The following CPEB1 variants were observed in gnomAD, a reference collection of about 807,000 sequenced individuals.
CPEB1 encodes the protein cytoplasmic polyadenylation element-binding protein 1.
A neutral mutation model predicts 65.8 loss-of-function variants in CPEB1; 7 were observed. The ratio of observed to expected loss-of-function variants is 0.11; its 90% confidence interval spans 0.06 to 0.20. The LOEUF (loss-of-function observed/expected upper bound fraction) is 0.20, where lower values mean the gene tolerates loss of function less well. Ranked by LOEUF, CPEB1 falls within the 10% of genes least tolerant of loss-of-function variation. The probability of loss-of-function intolerance (pLI) is 1.00; values close to 1 mark genes in which losing one functional copy is unlikely to be tolerated. For synonymous variants in CPEB1, 262 were observed against 260.0 expected, an observed-to-expected ratio of 1.01 and a Z score of -0.08; for missense variants, 551 against 712.2, an observed-to-expected ratio of 0.77 and a Z score of 2.58.
chr15:82,577,191 C>G (rs2040745411), intron 3 of CPEB1, among the ~76,000 whole-genome samples: 1 of 151,998 alleles, frequency 6.6e-6, no homozygotes, highest in Non-Finnish European at 1.5e-5. Context: ...TTTGTTTTTG[C>G]AGCTGAGGCT....
chr15:82,586,808 G>C (rs543070934), intron 3 of CPEB1, among the ~76,000 whole-genome samples: 31 of 152,286 alleles, frequency 2.0e-4, no homozygotes, highest in African/African-American at 7.5e-4. Context: ...AATTCAAGAC[G>C]ATTACTATTC....
At chr15:82,641,481 G>C (rs182440922) in intron 1 of CPEB1, 2 of 152,238 alleles carry the variant, frequency 1.3e-5, no homozygotes, top group Non-Finnish European at 2.9e-5. Context: ...ATTGTAGGAA[G>C]TGGGGCTAAA....
At chr15:82,573,540 A>AT (rs2040321431) in intron 3 of CPEB1, among the ~76,000 whole-genome samples, 1 of 152,040 alleles carries the variant, frequency 6.6e-6, no homozygotes, top group Non-Finnish European at 1.5e-5. Context: ...CCTACACCAA[A>AT]TATCTATATA....
chr15:82,547,580 C>A (rs1375087846), intron 10 of CPEB1, among the ~76,000 whole-genome samples: 1 of 152,126 alleles, frequency 6.6e-6, no homozygotes, highest in Non-Finnish European at 1.5e-5. Flanking sequence ...AGGCGTGAGC[C>A]ACCGAGCCTG....
At chr15:82,577,301 C>T (rs1039910434) in intron 3 of CPEB1, among the ~76,000 whole-genome samples, 2 of 152,130 alleles carry the variant, frequency 1.3e-5, no homozygotes, top group South Asian at 2.1e-4. Flanking sequence ...TCAAGGGATC[C>T]TCCCACCCCA....
intron 3 of CPEB1, among the ~76,000 whole-genome samples, chr15:82,596,027 A>G (rs1473507181): frequency 1.3e-5 from 2 of 152,264 alleles, no homozygotes; most frequent in Non-Finnish European, 2.9e-5. Flanking sequence ...TGTACTGCAG[A>G]TAATTCCATA....
chr15:82,622,882 G>A (rs1039775134), intron 3 of CPEB1, among the ~76,000 whole-genome samples: 7 of 152,092 alleles, frequency 4.6e-5, no homozygotes, highest in Non-Finnish European at 1.0e-4. Context: ...CCACGGACGG[G>A]GACGGAATCA....
At chr15:82,603,334 A>C in intron 3 of CPEB1, among the ~76,000 whole-genome samples, 1 of 150,354 alleles carries the variant, frequency 6.7e-6, no homozygotes, top group Non-Finnish European at 1.5e-5. Context: ...ACAGCCAGCC[A>C]TTTCCCATTT....
chr15:82,551,737 G>C (rs2036294990), intron 9 of CPEB1, among the ~76,000 whole-genome samples: 1 of 152,132 alleles, frequency 6.6e-6, no homozygotes, highest in African/African-American at 2.4e-5. Flanking sequence ...TGATTCCTGA[G>C]CTCAAAACTT....
At chr15:82,579,285 A>C (rs1190528473) in intron 3 of CPEB1, among the ~76,000 whole-genome samples, 1 of 151,958 alleles carries the variant, frequency 6.6e-6, no homozygotes, top group Admixed American at 6.6e-5. Context: ...ACACAGGGAG[A>C]CCCCGTTTCT....
rs1341235188 is a variant in CPEB1 at position 82,556,049 on chromosome 15, A to G, written c.761T>C (p.Met254Thr). Reference protein sequence around the residue: ...SGGGPRDPLKMGVGSRMDQEQ... With the variant: ...SGGGPRDPLKTGVGSRMDQEQ... ...TTGGTCCATCCGAGACCCTACCCCC[A>G]TCTTTAAAGGGTCTCTGGGACCACC... Residue 254 changes from methionine (M) to threonine (T), a missense_variant, in exon 6 of 13, where the codon ATG (methionine) becomes ACG (threonine). Physicochemically the swap from Met to Thr is moderately conservative, Grantham distance 81. Around this residue, in one of 6 missense-constraint regions of CPEB1, gnomAD observed 128 missense variants for 129.1 expected, o/e 0.99. Transcript: ENST00000684509. 2 of 1,612,736 alleles carry G rather than the reference A, an allele frequency of 1.2e-6. No individual in the cohort carries two copies. Among genetic ancestry groups the G allele is most frequent in the South Asian group, 1.1e-5 (1 of 90,662 alleles).
At chr15:82,591,588 C>G (rs1354433090) in intron 3 of CPEB1, among the ~76,000 whole-genome samples, 1 of 151,986 alleles carries the variant, frequency 6.6e-6, no homozygotes, top group South Asian at 2.1e-4. Context: ...CTCCAATGAT[C>G]AGTTATAAAG....
At chr15:82,625,563 C>A (rs2045688703) in intron 3 of CPEB1, among the ~76,000 whole-genome samples, 1 of 152,160 alleles carries the variant, frequency 6.6e-6, no homozygotes. Flanking sequence ...TCCGCACATA[C>A]TCAAGTCTTG....
At chr15:82,647,890 GGGGCTGAC>G (rs764731999), upstream of CPEB1, 34 of 1,237,704 alleles carry the variant, frequency 2.7e-5, no homozygotes, top group African/African-American at 2.7e-4. Context: ...GTGGCCCTGC[GGGGCTGAC>G]GGGCTGACCG....
intron 3 of CPEB1, among the ~76,000 whole-genome samples, chr15:82,579,127 A>G (rs2040967217): frequency 6.6e-6 from 1 of 152,064 alleles, no homozygotes; most frequent in South Asian, 2.1e-4. Flanking sequence ...CCAGCCTTAA[A>G]ATTACATGAG....
intron 3 of CPEB1, among the ~76,000 whole-genome samples, chr15:82,619,623 A>G (rs1185653148): frequency 1.3e-5 from 2 of 152,230 alleles, no homozygotes; most frequent in East Asian, 3.8e-4. Flanking sequence ...AAAAATGAGT[A>G]TAAGGCCTGA....
At chr15:82,617,772 C>T (rs1417151644) in intron 3 of CPEB1, among the ~76,000 whole-genome samples, 5 of 106,948 alleles carry the variant, frequency 4.7e-5, no homozygotes, top group African/African-American at 1.1e-4. Context: ...CTCGCTCTGT[C>T]GCCCAGGCTG....
At chr15:82,613,096 G>C (rs1173545341) in intron 3 of CPEB1, among the ~76,000 whole-genome samples, 1 of 151,188 alleles carries the variant, frequency 6.6e-6, no homozygotes, top group Non-Finnish European at 1.5e-5. Context: ...TCTGACACCA[G>C]GGATATTTTA....
chr15:82,637,719 T>C (rs1368016606), intron 1 of CPEB1, among the ~76,000 whole-genome samples: 1 of 152,184 alleles, frequency 6.6e-6, no homozygotes, highest in Non-Finnish European at 1.5e-5. Context: ...GCCTGGATAT[T>C]CTTACAGGAT....
Sources: allele counts gnomAD v4.1 joint callset (sites outside exome capture counted in the v4.1 genomes callset), GRCh38; gene constraint gnomAD v4.1.1; regional missense constraint gnomAD v4.1.1; transcripts MANE v1.5; gene names NCBI Gene and HGNC (gene_info 2026-07-23, HGNC 2026-07-21).